CYYR1: variants seen among roughly 807,000 people sequenced by gnomAD.
CYYR1 encodes the protein cysteine and tyrosine rich 1.
CYYR1 carries 14 observed loss-of-function variants against 15.2 expected under a neutral mutation model. That is an observed-to-expected ratio of 0.92 (90% CI 0.61 to 1.44). The LOEUF (loss-of-function observed/expected upper bound fraction) is 1.44. Among genes scored for constraint, CYYR1 ranks in the 40% most tolerant of loss-of-function variants. The pLI, the probability that CYYR1 is intolerant of heterozygous loss-of-function variation, is 0.00. For synonymous variants in CYYR1, 80 were observed against 77.4 expected, an observed-to-expected ratio of 1.03 and a Z score of -0.18; for missense variants, 228 against 209.5, an observed-to-expected ratio of 1.09 and a Z score of -0.54.
intron 2 of CYYR1, among the ~76,000 whole-genome samples, chr21:26,485,326 T>A (rs529555916): frequency 2.0e-5 from 3 of 152,182 alleles, no homozygotes; most frequent in African/African-American, 7.2e-5. Context: ...AAGCAGGAAA[T>A]TGACATTACT....
intron 2 of CYYR1, among the ~76,000 whole-genome samples, chr21:26,529,641 G>T (rs1307292987): frequency 2.0e-5 from 3 of 152,186 alleles, no homozygotes; most frequent in Admixed American, 2.0e-4. Flanking sequence ...TATAAATGCA[G>T]ATCCTGAAAA....
At chr21:26,534,894 C>T (rs1306632223) in intron 2 of CYYR1, among the ~76,000 whole-genome samples, 8 of 152,070 alleles carry the variant, frequency 5.3e-5, no homozygotes, top group Non-Finnish European at 5.9e-5. Context: ...GTTGTATGTA[C>T]GATCTTATGT....
At chr21:26,534,943 C>A (rs2065976606) in intron 2 of CYYR1, among the ~76,000 whole-genome samples, 1 of 152,142 alleles carries the variant, frequency 6.6e-6, no homozygotes, top group Non-Finnish European at 1.5e-5. Flanking sequence ...GTAAATATAA[C>A]TATTCCCATT....
chr21:26,518,234 G>A (rs7280533), intron 2 of CYYR1, among the ~76,000 whole-genome samples: 51,200 of 152,090 alleles, frequency 0.34, 9,314 homozygotes, highest in African/African-American at 0.48. Context: ...TTGGTTGTCT[G>A]AGACACTAAC....
At chr21:26,533,589 C>T (rs1261339590) in intron 2 of CYYR1, among the ~76,000 whole-genome samples, 1 of 152,080 alleles carries the variant, frequency 6.6e-6, no homozygotes, top group Non-Finnish European at 1.5e-5. Context: ...TGATCTTCTT[C>T]CCCCAGTCCA....
intron 1 of CYYR1, among the ~76,000 whole-genome samples, chr21:26,567,700 T>C (rs543707137): frequency 3.9e-5 from 6 of 152,056 alleles, no homozygotes; most frequent in South Asian, 2.1e-4. Context: ...TATATAAAAC[T>C]TTTGTTTCCC....
intron 1 of CYYR1, among the ~76,000 whole-genome samples, chr21:26,567,389 T>A (rs1980708949): frequency 6.6e-6 from 1 of 152,196 alleles, no homozygotes; most frequent in African/African-American, 2.4e-5. Flanking sequence ...ATTTTCTGAA[T>A]AAAGGATCAG....
intron 2 of CYYR1, among the ~76,000 whole-genome samples, chr21:26,503,058 T>A (rs1954847386): frequency 6.6e-6 from 1 of 152,168 alleles, no homozygotes; most frequent in South Asian, 2.1e-4. Flanking sequence ...ATGGTGGCCT[T>A]AATGTTATCA....
chr21:26,474,612 C>T (rs976419286), intron 3 of CYYR1, among the ~76,000 whole-genome samples: 5 of 152,036 alleles, frequency 3.3e-5, no homozygotes, highest in Non-Finnish European at 5.9e-5. Context: ...CCCATGGTCT[C>T]TCTTTCCTCC....
At chr21:26,544,938 C>T (rs1978849653) in intron 2 of CYYR1, among the ~76,000 whole-genome samples, 1 of 151,708 alleles carries the variant, frequency 6.6e-6, no homozygotes, top group Non-Finnish European at 1.5e-5. Context: ...CAGAGTGAGA[C>T]CCTATCTCAA....
chr21:26,512,279 AC>A (rs2123519011), intron 2 of CYYR1, among the ~76,000 whole-genome samples: 1 of 151,798 alleles, frequency 6.6e-6, no homozygotes. Context: ...GCTCACTGCA[AC>A]CTCCGTCTCC....
chr21:26,472,533 T>A (rs1053773011), intron 3 of CYYR1, among the ~76,000 whole-genome samples: 3 of 152,168 alleles, frequency 2.0e-5, no homozygotes, highest in African/African-American at 7.2e-5. Flanking sequence ...GATCATTTCT[T>A]TTGATAACAG....
At chr21:26,568,780 T>TA (rs1166634270) in intron 1 of CYYR1, 1 of 151,846 alleles carries the variant, frequency 6.6e-6, no homozygotes, top group Non-Finnish European at 1.5e-5. Flanking sequence ...ATAATCTCAT[T>TA]AAAAAATGGG....
intron 2 of CYYR1, among the ~76,000 whole-genome samples, chr21:26,512,799 T>C: frequency 6.6e-6 from 1 of 152,182 alleles, no homozygotes; most frequent in East Asian, 1.9e-4. Flanking sequence ...AAATATTTAC[T>C]ATCAGGCTAG....
chr21:26,513,468 G>T (rs1442934065), intron 2 of CYYR1, among the ~76,000 whole-genome samples: 1 of 152,130 alleles, frequency 6.6e-6, no homozygotes, highest in Admixed American at 6.5e-5. Flanking sequence ...TGTGGCAAAA[G>T]ATCCAAGTTA....
intron 2 of CYYR1, among the ~76,000 whole-genome samples, chr21:26,495,516 T>C (rs1457348832): frequency 6.6e-6 from 1 of 152,008 alleles, no homozygotes; most frequent in African/African-American, 2.4e-5. Flanking sequence ...GGTTGTCTAA[T>C]TGGGCATTAT....
chr21:26,476,925 G>A (rs2123386515), intron 3 of CYYR1, among the ~76,000 whole-genome samples: 1 of 152,154 alleles, frequency 6.6e-6, no homozygotes, highest in Non-Finnish European at 1.5e-5. Flanking sequence ...CCTTCATGTG[G>A]ACAATTTAAA....
At chr21:26,479,829 T>G (rs1421908684) in intron 3 of CYYR1, among the ~76,000 whole-genome samples, 2 of 152,130 alleles carry the variant, frequency 1.3e-5, no homozygotes, top group African/African-American at 4.8e-5. Context: ...AATTTTAATA[T>G]TGTGTTTAAA....
At chr21:26,563,400 A>C (rs1980381024) in intron 2 of CYYR1, among the ~76,000 whole-genome samples, 1 of 151,750 alleles carries the variant, frequency 6.6e-6, no homozygotes, top group Non-Finnish European at 1.5e-5. Context: ...GGTGAAAACC[A>C]CTCTCTACTA....
Sources: allele counts gnomAD v4.1 joint callset (sites outside exome capture counted in the v4.1 genomes callset), GRCh38; gene constraint gnomAD v4.1.1; transcripts MANE v1.5; gene names NCBI Gene and HGNC (gene_info 2026-07-23, HGNC 2026-07-21).